ME3: variants seen among roughly 807,000 people sequenced by gnomAD.
The protein encoded by ME3 is malic enzyme 3.
A neutral mutation model predicts 68.9 loss-of-function variants in ME3; 48 were observed. That is an observed-to-expected ratio of 0.70 (90% CI 0.55 to 0.89). ME3 has a LOEUF of 0.89. Ranked by LOEUF, ME3 falls within the 40% of genes least tolerant of loss-of-function variation. ME3 has a pLI of 0.00. For synonymous variants in ME3, 320 were observed against 318.8 expected, an observed-to-expected ratio of 1.00 and a Z score of -0.04; for missense variants, 675 against 797.4, an observed-to-expected ratio of 0.85 and a Z score of 1.85.
intron 2 of ME3, among the ~76,000 whole-genome samples, chr11:86,598,354 A>G (rs1959921736): frequency 6.6e-6 from 1 of 152,180 alleles, no homozygotes. Flanking sequence ...TTGCTAGCAC[A>G]GCAGTCTAAG....
intron 2 of ME3, among the ~76,000 whole-genome samples, chr11:86,645,501 T>C (rs993093584): frequency 1.3e-5 from 2 of 152,160 alleles, no homozygotes; most frequent in African/African-American, 4.8e-5. Context: ...ACTCTCTAGA[T>C]TTCTCCCCTT....
chr11:86,511,344 T>C (rs1435051664), intron 4 of ME3, among the ~76,000 whole-genome samples: 1 of 152,134 alleles, frequency 6.6e-6, no homozygotes. Context: ...CCACTCCTCT[T>C]CTCACTCCAC....
chr11:86,480,699 A>C (rs1671855115), intron 7 of ME3, among the ~76,000 whole-genome samples: 3 of 152,296 alleles, frequency 2.0e-5, no homozygotes, highest in Middle Eastern at 3.4e-3. Flanking sequence ...TGCTTTCCCC[A>C]CATGTAGAAA....
intron 7 of ME3, among the ~76,000 whole-genome samples, chr11:86,465,533 C>T (rs926585568): frequency 6.6e-6 from 1 of 152,054 alleles, no homozygotes; most frequent in Non-Finnish European, 1.5e-5. Context: ...AGGGGCCTGC[C>T]CTCTGTGTAG....
At chr11:86,629,249 T>C (rs1296781186) in intron 2 of ME3, among the ~76,000 whole-genome samples, 1 of 152,208 alleles carries the variant, frequency 6.6e-6, no homozygotes, top group Non-Finnish European at 1.5e-5. Context: ...CGTCATAACA[T>C]TCAGAGCAGC....
intron 5 of ME3, among the ~76,000 whole-genome samples, chr11:86,504,707 G>A (rs188100399): frequency 3.4e-5 from 5 of 148,800 alleles, no homozygotes; most frequent in South Asian, 4.2e-4. Flanking sequence ...TTTTGTTTTC[G>A]TTTTTGAGAC....
At chr11:86,611,613 G>T (rs1391024667) in intron 2 of ME3, among the ~76,000 whole-genome samples, 1 of 141,890 alleles carries the variant, frequency 7.0e-6, no homozygotes, top group African/African-American at 2.5e-5. Context: ...AGTGGGGGGG[G>T]GGGGAAGAAA....
intron 2 of ME3, among the ~76,000 whole-genome samples, chr11:86,653,755 C>T (rs971033886): frequency 5.3e-5 from 8 of 152,186 alleles, no homozygotes; most frequent in Non-Finnish European, 7.3e-5. Context: ...CAGAGCTGAA[C>T]TGAAGGAGAG....
intron 2 of ME3, among the ~76,000 whole-genome samples, chr11:86,669,499 G>A (rs547031529): frequency 1.3e-5 from 2 of 152,312 alleles, no homozygotes; most frequent in East Asian, 3.9e-4. Flanking sequence ...CACCTCCTCA[G>A]AGGGTGGCAG....
At chr11:86,566,943 C>T (rs371775950) in intron 2 of ME3, among the ~76,000 whole-genome samples, 8 of 151,980 alleles carry the variant, frequency 5.3e-5, no homozygotes, top group East Asian at 1.9e-4. Flanking sequence ...AGTGGCCAGG[C>T]GCGATGGCTC....
chr11:86,528,946 A>C (rs1170353074), intron 4 of ME3, among the ~76,000 whole-genome samples: 6 of 152,210 alleles, frequency 3.9e-5, no homozygotes, highest in African/African-American at 1.4e-4. Flanking sequence ...AATTAAAAGA[A>C]CTAGAGAAGC....
At chr11:86,539,853 T>C (rs537483626) in intron 4 of ME3, among the ~76,000 whole-genome samples, 4 of 152,312 alleles carry the variant, frequency 2.6e-5, no homozygotes, top group South Asian at 2.1e-4. Flanking sequence ...AATAGAAGAA[T>C]TGTCTTGGGC....
chr11:86,466,177 TTCTGTGGGCTTC>T (rs1334515872), intron 7 of ME3, among the ~76,000 whole-genome samples: 1 of 152,216 alleles, frequency 6.6e-6, no homozygotes, highest in Admixed American at 6.5e-5. Flanking sequence ...CCCCCTCAGC[TTCTGTGGGCTTC>T]TGCACACAGA....
At position 86,475,866 on chromosome 11, in the gene ME3, T is replaced by TAGAGAG. The variant is rs1487875000; in HGVS notation, c.810-10667_810-10666insCTCTCT. On this transcript the variant is annotated intron_variant, in intron 7 of 14. Coordinates refer to ENST00000543262, the Ensembl canonical transcript of ME3. ...CTAATATTCAGTATATATATATATA[T>TAGAGAG]ATATATATAGAGAGAGAGAGAGAGA... 1.5e-3 allele frequency among the ~76,000 whole-genome samples: 166 copies of TAGAGAG among 111,936 alleles called. 2 individuals are homozygous for TAGAGAG. Among genetic ancestry groups the TAGAGAG allele is most frequent in the Admixed American group, 2.0e-3 (23 of 11,276 alleles). 73.4% of individuals were successfully genotyped at this position (111,936 alleles called of 152,430 possible).
At chr11:86,467,677 T>C (rs1281401148) in intron 7 of ME3, among the ~76,000 whole-genome samples, 1 of 145,528 alleles carries the variant, frequency 6.9e-6, no homozygotes, top group Non-Finnish European at 1.5e-5. Context: ...TCTCTCTCTC[T>C]CTCTCTCTCT....
At chr11:86,560,958 G>T (rs1167998063) in intron 2 of ME3, among the ~76,000 whole-genome samples, 1 of 151,552 alleles carries the variant, frequency 6.6e-6, no homozygotes, top group African/African-American at 2.4e-5. Flanking sequence ...CTCATGATTG[G>T]ATTTTGGTTA....
intron 2 of ME3, among the ~76,000 whole-genome samples, chr11:86,584,620 A>G (rs1370650830): frequency 6.6e-6 from 1 of 152,248 alleles, no homozygotes; most frequent in African/African-American, 2.4e-5. Context: ...CCTTAAAAAT[A>G]TGGAATGCCT....
At chr11:86,557,506 C>G (rs78253235) in intron 3 of ME3, among the ~76,000 whole-genome samples, 1 of 152,266 alleles carries the variant, frequency 6.6e-6, no homozygotes, top group East Asian at 1.9e-4. Flanking sequence ...GTAAAAAAGT[C>G]TGTGGTCTGG....
At chr11:86,617,045 GTTTTTTTTTTT>G (rs563738961) in intron 2 of ME3, among the ~76,000 whole-genome samples, 56 of 56,326 alleles carry the variant, frequency 9.9e-4, no homozygotes, top group South Asian at 7.4e-3. Flanking sequence ...CAAGATAGTA[GTTTTTTTTTTT>G]TTTTTTTTTT....
Sources: gnomAD v4.1 joint callset for allele counts (sites outside exome capture counted in the v4.1 genomes callset) on GRCh38, gnomAD v4.1.1 for gene constraint, MANE v1.5 for transcripts, NCBI Gene and HGNC (gene_info 2026-07-23, HGNC 2026-07-21) for gene names.